The following MADD variants were observed in gnomAD, a reference collection of about 807,000 sequenced individuals.
MADD encodes the protein MAP kinase activating death domain, also known as MAP kinase-activating death domain protein.
MADD carries 109 observed loss-of-function variants against 176.7 expected under a neutral mutation model. That is an observed-to-expected ratio of 0.62 (90% CI 0.53 to 0.72). The LOEUF is 0.72. MADD is among the 30% of genes least tolerant of loss of function. The pLI is 0.00. For missense variants in MADD, 1,914 were observed against 2,045.5 expected (o/e 0.94, Z 1.24); for synonymous variants, 771 against 771.3 (o/e 1.00, Z 0.01).
chr11:47,270,441 G>A (rs1959637649), intron 1 of MADD, among the ~76,000 whole-genome samples, 195 bp downstream of exon 1: 1 of 150,534 alleles, frequency 6.6e-6, no homozygotes, highest in South Asian at 2.1e-4. Flanking sequence ...GGGCAGAGGA[G>A]GGGGCTCAGG....
chr11:47,273,790 C>G, intron 1 of MADD, 37 bp from the exon 2 acceptor site: 2 of 760,024 alleles, frequency 2.6e-6, no homozygotes, highest in Non-Finnish European at 4.5e-6. Context: ...CCCTTAGGCA[C>G]AGCAGTGGAT....
intron 2 of MADD, 117 bp downstream of exon 2, chr11:47,274,093 A>C (rs1000534776): frequency 1.0e-6 from 1 of 982,722 alleles, no homozygotes; most frequent in Non-Finnish European, 1.6e-6. Flanking sequence ...CTGTTATTTT[A>C]CCCTGATGGG....
exon 14 of MADD, chr11:47,285,515 T>C: frequency 6.2e-7 from 1 of 1,614,134 alleles, no homozygotes; most frequent in Non-Finnish European, 8.5e-7. Context: ...AGAGTCAGAC[T>C]CTCGGGCAAG....
intron 31 of MADD, 190 bp downstream of exon 35, chr11:47,326,997 G>T: frequency 7.4e-7 from 1 of 1,355,586 alleles, no homozygotes; most frequent in Non-Finnish European, 9.5e-7. Flanking sequence ...GATAGATAAT[G>T]GATCGCAGAA....
intron 25 of MADD, among the ~76,000 whole-genome samples, 176 bp downstream of exon 28, chr11:47,309,788 G>A (rs1424191038): frequency 6.6e-6 from 1 of 152,010 alleles, no homozygotes; most frequent in Non-Finnish European, 1.5e-5. Context: ...TTTATCTGAA[G>A]CTGCCAGCCA....
intron 14 of MADD, 143 bp downstream of exon 14, chr11:47,285,733 T>C (rs1232290929): frequency 8.8e-7 from 1 of 1,138,484 alleles, no homozygotes; most frequent in South Asian, 1.4e-5. Context: ...TGGGTGATAC[T>C]GAATAAGGCG....
At chr11:47,299,584 GCTTT>G (rs2075947391) in intron 22 of MADD, among the ~76,000 whole-genome samples, 9 of 65,232 alleles carry the variant, frequency 1.4e-4, no homozygotes, top group Admixed American at 1.6e-4. Flanking sequence ...AGATTTTAGG[GCTTT>G]TTTTTTTTTT....
chr11:47,289,697 G>A (rs2063587744), intron 16 of MADD, among the ~76,000 whole-genome samples, 170 bp from the exon 18 acceptor site: 2 of 152,172 alleles, frequency 1.3e-5, no homozygotes, highest in African/African-American at 4.8e-5. Flanking sequence ...GCAGCGGTGG[G>A]TATTTGGACA....
rs371986734 is a variant in MADD at position 47,317,045 on chromosome 11, A to G, written c.4197+1718A>G. Among the ~76,000 whole-genome samples, 75 of 152,190 alleles carry G rather than the reference A, an allele frequency of 4.9e-4. 1 individual carries two copies. In the South Asian group the frequency reaches 0.014, roughly 28 times the overall value. ...AGGCGTGAGCCACCCCGCCTGGCCT[A>G]TTTTTCTCCTTTCTTTCAGAAAGAT... On this transcript the variant is annotated intron_variant, in intron 27 of 32. Transcript: ENST00000402192.
intron 20 of MADD, among the ~76,000 whole-genome samples, chr11:47,294,546 T>C (rs1156661088): frequency 6.6e-6 from 1 of 151,256 alleles, no homozygotes; most frequent in East Asian, 1.9e-4. Flanking sequence ...GGCGGGCACC[T>C]GTAATCCCAG....
intron 27 of MADD, among the ~76,000 whole-genome samples, chr11:47,317,935 A>C (rs959062570): frequency 5.3e-5 from 8 of 151,820 alleles, no homozygotes; most frequent in South Asian, 2.1e-4. Flanking sequence ...ACACCCGGCT[A>C]ATTTTTGTGT....
At chr11:47,322,327 G>A (rs1270031760) in intron 27 of MADD, among the ~76,000 whole-genome samples, 1 of 152,164 alleles carries the variant, frequency 6.6e-6, no homozygotes, top group Admixed American at 6.6e-5. Context: ...CGGATAACTG[G>A]CTGCGCATGG....
At chr11:47,275,078 T>G in exon 3 of MADD, 1 of 1,614,268 alleles carries the variant, frequency 6.2e-7, no homozygotes. Context: ...CGAGAGTGTT[T>G]GTATACTCTC....
In MADD at chr11:47,288,960, T is replaced by C; in HGVS notation, c.2654-431T>C. On this transcript the variant is annotated intron_variant, in intron 15 of 32. Transcript: ENST00000402192. Reference sequence around the variant, plus strand: ...GTACACCTACTAATTGTGTATTTTGTGTCCCAGTATTTGGGCTAAATACTC... The same window carrying C: ...GTACACCTACTAATTGTGTATTTTGCGTCCCAGTATTTGGGCTAAATACTC... 1 of 1,593,516 alleles carries C rather than the reference T, an allele frequency of 6.3e-7. No individual in the cohort carries two copies.
At chr11:47,314,134 G>A (rs1281967495) in intron 26 of MADD, among the ~76,000 whole-genome samples, 1 of 152,004 alleles carries the variant, frequency 6.6e-6, no homozygotes, top group African/African-American at 2.4e-5. Flanking sequence ...CCAGCTACTT[G>A]GGAGGCTGAG....
At chr11:47,302,754 A>G (rs1447258638) in intron 22 of MADD, among the ~76,000 whole-genome samples, 1 of 152,050 alleles carries the variant, frequency 6.6e-6, no homozygotes, top group African/African-American at 2.4e-5. Context: ...ATTTACATTC[A>G]AGGTTGTTAT....
rs751340007 is a variant in MADD, at chr11:47,326,572, T to G, written c.4543-166T>G. Reference sequence around the variant, plus strand: ...CGGAAGGTACATGCCCTTTCTGCTATCTTCGCTTCTTAGCGCTTTTGAGTT... The same window carrying G: ...CGGAAGGTACATGCCCTTTCTGCTAGCTTCGCTTCTTAGCGCTTTTGAGTT... On this transcript the variant is annotated intron_variant, in intron 30 of 32. Transcript: ENST00000402192. 431 of 1,419,580 alleles carry G rather than the reference T, an allele frequency of 3.0e-4. No homozygotes were observed. Among genetic ancestry groups the G allele is most frequent in the Admixed American group, 5.7e-4 (20 of 34,834 alleles). 87.9% of individuals were successfully genotyped at this position (1,419,580 alleles called of 1,614,324 possible).
chr11:47,282,811 A>G lies in MADD; in HGVS notation c.1706-2A>G. Reference sequence around the variant, plus strand: ...TTTCTGTTCTTTTCCCTCATGGGGTAGATATGTTTGATCCAGCCCTGATTG... The same window carrying G: ...TTTCTGTTCTTTTCCCTCATGGGGTGGATATGTTTGATCCAGCCCTGATTG... On this transcript the variant is annotated splice_acceptor_variant, in intron 9 of 32. Transcript: ENST00000402192. LOFTEE classifies it high-confidence loss of function. 1.2e-6 allele frequency: 2 copies of G among 1,612,954 alleles called. No individual in the cohort carries two copies. The highest frequency in any genetic ancestry group is 1.7e-6 in the Non-Finnish European group (2 of 1,179,336).
At chr11:47,295,514 G>A (rs773390982) in exon 21 of MADD, 13 of 1,614,132 alleles carry the variant, frequency 8.1e-6, no homozygotes, top group Non-Finnish European at 1.0e-5. Context: ...TCAAGACTCT[G>A]TCATCGGCGT....
Sources: allele counts gnomAD v4.1 joint callset (sites outside exome capture counted in the v4.1 genomes callset), GRCh38; gene constraint gnomAD v4.1.1; transcripts MANE v1.5; gene names NCBI Gene and HGNC (gene_info 2026-07-23, HGNC 2026-07-21).